Variants in SMAD2 observed in about 807,000 individuals in gnomAD.
SMAD2 encodes MAD homolog 2.
In SMAD2, 8 loss-of-function variants were observed where a neutral mutation model predicts 64.4. The ratio of observed to expected loss-of-function variants is 0.12; its 90% CI spans 0.07 to 0.22. The LOEUF (loss-of-function observed/expected upper bound fraction) is 0.22, where lower values mean the gene tolerates loss of function less well. SMAD2 is among the 10% of genes least tolerant of loss of function. The pLI is 1.00. For synonymous variants in SMAD2, 203 were observed against 195.8 expected, an observed-to-expected ratio of 1.04 and a Z score of -0.31; for missense variants, 289 against 561.2, an observed-to-expected ratio of 0.51 and a Z score of 4.90.
intron 2 of SMAD2, among the ~76,000 whole-genome samples, chr18:47,870,918 T>G (rs1214001909): frequency 6.6e-6 from 1 of 152,170 alleles, no homozygotes; most frequent in Non-Finnish European, 1.5e-5. Flanking sequence ...TATAATCCAG[T>G]TTTTTAAAAA....
At chr18:47,857,100 G>A (rs138672817) in intron 6 of SMAD2, among the ~76,000 whole-genome samples, 2,547 of 152,028 alleles carry the variant, frequency 0.017, 61 homozygotes, top group African/African-American at 0.054. Context: ...CTCGTGATCC[G>A]CCCGCCTCGG....
Position 47,815,705 on chromosome 18 carries a change from T to C in SMAD2, c.*26122A>G, listed in dbSNP as rs575784694. The stretch of plus-strand genomic sequence containing the variant: ...AGTAAGGAGGGGGTGAAACCGAAAA[T>C]CAACAAGGTTTGTGTGAACTGGTCT... On this transcript the variant is annotated 3_prime_UTR_variant, in exon 11 of 11. Transcript: ENST00000262160. 3.3e-5 allele frequency: 5 copies of C among 152,248 alleles called. No individual in the cohort carries two copies. In the East Asian group the frequency reaches 9.7e-4, roughly 29 times the overall value. 9.4% of individuals were successfully genotyped at this position (152,248 alleles called of 1,614,324 possible).
In SMAD2 at chr18:47,928,489, C is replaced by T. The variant is rs541197223; in HGVS notation, c.-54+1872G>A. ...TGGCCATCTTGAAGTAGAATAGAAA[C>T]AACCTTTGTTCCTACTAAAGTTCTG... is the stretch of plus-strand genomic sequence containing the variant. On this transcript the variant is annotated intron_variant, in intron 1 of 10. Transcript: ENST00000262160. Among the ~76,000 whole-genome samples the T allele has an allele frequency of 1.8e-4, 28 of 152,284 alleles. 3 individuals are homozygous for T. The South Asian group carries it at 5.8e-3, about 32-fold the overall frequency.
chr18:47,858,344 T>C (rs2030896139), intron 6 of SMAD2, among the ~76,000 whole-genome samples: 1 of 152,168 alleles, frequency 6.6e-6, no homozygotes, highest in African/African-American at 2.4e-5. Flanking sequence ...CACATACATA[T>C]TATCACTTGA....
chr18:47,827,671 G>C lies in SMAD2; in HGVS notation c.*14156C>G, dbSNP rs1325322980. On this transcript the variant is annotated 3_prime_UTR_variant, in exon 11 of 11. Transcript: ENST00000262160. ...GGTTTTTGTATTTTTTGGTGGAGAC[G>C]GGGTTTCGCCGTGTTGGCCAGGCTG... The C allele has an allele frequency of 6.3e-6, 1 of 157,878 alleles. No individual in the cohort carries two copies. The highest frequency in any genetic ancestry group is 2.4e-5 in the African/African-American group (1 of 41,500). 9.8% of individuals were successfully genotyped at this position (157,878 alleles called of 1,614,324 possible).
In SMAD2 at chr18:47,823,369, T is replaced by C. The variant is rs1912638099; in HGVS notation, c.*18458A>G. The C allele has an allele frequency of 6.6e-6, 1 of 152,222 alleles. No individual in the cohort carries two copies. The highest frequency in any genetic ancestry group is 1.5e-5 in the Non-Finnish European group (1 of 68,044). The allele number at this position is 152,222 out of a possible 1,614,324, so 9.4% of individuals were successfully genotyped here. A position where few individuals can be genotyped will look rare whatever the true frequency, so the allele number is the denominator to read the frequency against. On this transcript the variant is annotated 3_prime_UTR_variant, in exon 11 of 11. Transcript: ENST00000262160. ...TCTTTGGTAAAAATCAGGGTAACTT[T>C]AAGTTTCTGAAGAAAGCTATATGTA...
Position 47,818,881 on chromosome 18 carries a change from A to G in SMAD2, c.*22946T>C, listed in dbSNP as rs1283689673. The stretch of plus-strand genomic sequence containing the variant: ...GAGCAGGTCCCACTTTCTCAGAAAT[A>G]TAATTTGAATCCAATAACTGTCTTT... On this transcript the variant is annotated 3_prime_UTR_variant, in exon 11 of 11. Coordinates refer to ENST00000262160, the MANE Select transcript of SMAD2 (RefSeq NM_005901.6). 2 of 152,364 alleles carry G rather than the reference A, an allele frequency of 1.3e-5. No homozygotes were observed. The highest frequency in any genetic ancestry group is 3.4e-3 in the Middle Eastern group (1 of 294). 9.4% of individuals were successfully genotyped at this position (152,364 alleles called of 1,614,324 possible).
intron 2 of SMAD2, 135 bp from the exon 3 acceptor site, chr18:47,870,699 A>G (rs949533690): frequency 5.5e-6 from 4 of 733,038 alleles, no homozygotes; most frequent in Non-Finnish European, 9.9e-6. Context: ...TCACTTTTTC[A>G]CAGGCATGTA....
At chr18:47,908,376 T>A (rs1598877436) in intron 1 of SMAD2, among the ~76,000 whole-genome samples, 1 of 152,276 alleles carries the variant, frequency 6.6e-6, no homozygotes, top group East Asian at 1.9e-4. Context: ...TAGGTCCATT[T>A]ATACACAGAT....
Position 47,813,904 on chromosome 18 carries a change from T to A in SMAD2, c.*27923A>T, listed in dbSNP as rs945562705. 7 of 152,066 alleles carry A rather than the reference T, an allele frequency of 4.6e-5. No homozygotes were observed. The highest frequency in any genetic ancestry group is 1.7e-4 in the African/African-American group (7 of 41,388). The allele number at this position is 152,066 out of a possible 1,614,324, so 9.4% of individuals were successfully genotyped here. Reference sequence around the variant, plus strand: ...AGGTAGGCATAGATAGGCCTAATTATGATGAATGCTCTCTTACCAGTATAA... The same window carrying A: ...AGGTAGGCATAGATAGGCCTAATTAAGATGAATGCTCTCTTACCAGTATAA... On this transcript the variant is annotated 3_prime_UTR_variant, in exon 11 of 11. Coordinates refer to ENST00000262160, the MANE Select transcript of SMAD2 (RefSeq NM_005901.6).
chr18:47,884,403 G>A (rs940638013), intron 2 of SMAD2, among the ~76,000 whole-genome samples: 24 of 152,244 alleles, frequency 1.6e-4, no homozygotes, highest in African/African-American at 4.1e-4. Context: ...AGGTCCTACA[G>A]CCAGCAAGTG....
Position 47,838,567 on chromosome 18 carries a change from C to G in SMAD2, c.*3260G>C. 1 of 233,038 alleles carries G rather than the reference C, an allele frequency of 4.3e-6. No individual in the cohort carries two copies. The highest frequency in any genetic ancestry group is 8.5e-6 in the Non-Finnish European group (1 of 117,856). The allele number at this position is 233,038 out of a possible 1,614,324, so 14.4% of individuals were successfully genotyped here. A position where few individuals can be genotyped will look rare whatever the true frequency, so the allele number is the denominator to read the frequency against. On this transcript the variant is annotated 3_prime_UTR_variant, in exon 11 of 11. Transcript: ENST00000262160. ...TATAGCTCAAATCTAATCATGAAAG[C>G]TTCTTTAAAGTAGGATAAAAAGAGC...
intron 1 of SMAD2, among the ~76,000 whole-genome samples, chr18:47,914,099 G>C (rs777330987): frequency 1.3e-5 from 2 of 152,118 alleles, no homozygotes; most frequent in Admixed American, 6.5e-5. Context: ...AGCATTCTCT[G>C]CACATTTAAT....
chr18:47,857,934 C>G (rs887541324), intron 6 of SMAD2, among the ~76,000 whole-genome samples: 1 of 152,226 alleles, frequency 6.6e-6, no homozygotes, highest in Non-Finnish European at 1.5e-5. Flanking sequence ...AGGTAGGGAA[C>G]TGACCCTCCC....
chr18:47,842,294 C>A (rs1914031812), intron 10 of SMAD2, among the ~76,000 whole-genome samples: 1 of 152,188 alleles, frequency 6.6e-6, no homozygotes, highest in Non-Finnish European at 1.5e-5. Context: ...GTAAGCCCAG[C>A]ACTTTGGGAG....
intron 2 of SMAD2, among the ~76,000 whole-genome samples, chr18:47,880,818 C>G (rs557564278): frequency 5.3e-5 from 8 of 151,996 alleles, no homozygotes; most frequent in Admixed American, 2.0e-4. Context: ...ACCACAAACT[C>G]TGTCCTGGAG....
intron 2 of SMAD2, among the ~76,000 whole-genome samples, chr18:47,881,067 G>C (rs1234236342): frequency 7.1e-6 from 1 of 140,922 alleles, no homozygotes; most frequent in African/African-American, 2.6e-5. Context: ...CACTTTGCAT[G>C]GACAAAAGCT....
chr18:47,893,870 T>C (rs971050243), intron 2 of SMAD2, among the ~76,000 whole-genome samples: 7 of 152,082 alleles, frequency 4.6e-5, no homozygotes, highest in Non-Finnish European at 1.0e-4. Context: ...AACCACCAAA[T>C]TAGGCAAATT....
At chr18:47,871,211 T>C (rs1200234418) in intron 2 of SMAD2, among the ~76,000 whole-genome samples, 1 of 152,190 alleles carries the variant, frequency 6.6e-6, no homozygotes, top group Non-Finnish European at 1.5e-5. Context: ...CATTTCATAG[T>C]AACTTCTGGT....
Sources: allele counts gnomAD v4.1 joint callset (sites outside exome capture counted in the v4.1 genomes callset), GRCh38; gene constraint gnomAD v4.1.1; transcripts MANE v1.5; gene names NCBI Gene and HGNC (gene_info 2026-07-23, HGNC 2026-07-21).